PLCXD3: variants seen among roughly 807,000 people sequenced by gnomAD.
PLCXD3 encodes the protein PI-PLC X domain-containing protein 3.
In PLCXD3, 19 loss-of-function variants were observed where a neutral mutation model predicts 25.5. The observed-to-expected ratio is 0.75, with a 90% CI of 0.52 to 1.09. The LOEUF (loss-of-function observed/expected upper bound fraction) is 1.09. Among genes scored for constraint, PLCXD3 ranks in the 50% least tolerant of loss-of-function variants. The pLI is 0.00. For synonymous variants in PLCXD3, 174 were observed against 137.6 expected (o/e 1.26, Z -1.85); for missense variants, 411 against 388.1 (o/e 1.06, Z -0.50).
intron 1 of PLCXD3, among the ~76,000 whole-genome samples, chr5:41,388,359 A>G (rs1276949058): frequency 6.6e-6 from 1 of 152,056 alleles, no homozygotes; most frequent in Non-Finnish European, 1.5e-5. Context: ...TTATTTATAT[A>G]TTTATCTTAA....
At chr5:41,507,080 A>T (rs1398258446) in intron 1 of PLCXD3, among the ~76,000 whole-genome samples, 1 of 152,116 alleles carries the variant, frequency 6.6e-6, no homozygotes, top group South Asian at 2.1e-4. Context: ...CCAGCACCTT[A>T]TGTGTTCCCA....
chr5:41,440,433 A>C (rs1747359085), intron 1 of PLCXD3, among the ~76,000 whole-genome samples: 1 of 151,692 alleles, frequency 6.6e-6, no homozygotes, highest in East Asian at 1.9e-4. Context: ...GGGTTTCACC[A>C]TGTTGGCCAG....
At chr5:41,343,383 A>T in intron 2 of PLCXD3, among the ~76,000 whole-genome samples, 1 of 152,218 alleles carries the variant, frequency 6.6e-6, no homozygotes, top group East Asian at 1.9e-4. Flanking sequence ...AACAGAAAAA[A>T]AATCAATCCA....
In PLCXD3 at chr5:41,309,365, A is replaced by G. The variant is rs1327499615; in HGVS notation, c.*4252T>C. 6.6e-6 allele frequency: 1 copy of G among 152,620 alleles called. No homozygotes were observed. The highest frequency in any genetic ancestry group is 1.5e-5 in the Non-Finnish European group (1 of 68,022). 9.5% of individuals were successfully genotyped at this position (152,620 alleles called of 1,614,324 possible). On this transcript the variant is annotated 3_prime_UTR_variant, in exon 3 of 3. Coordinates refer to ENST00000377801, the MANE Select transcript of PLCXD3 (RefSeq NM_001005473.3). ...ATAAGTTATGGCAGATATAGCATTTACACCATAGTGTCACTGAAATCTAGC... is the reference window on the plus strand; with the variant it reads ...ATAAGTTATGGCAGATATAGCATTTGCACCATAGTGTCACTGAAATCTAGC...
At chr5:41,422,969 C>T (rs140448635) in intron 1 of PLCXD3, among the ~76,000 whole-genome samples, 43 of 152,082 alleles carry the variant, frequency 2.8e-4, no homozygotes, top group African/African-American at 9.4e-4. Context: ...CTTAAGGAAT[C>T]TCTCTTCTAT....
chr5:41,450,984 C>A (rs935471270), intron 1 of PLCXD3, among the ~76,000 whole-genome samples: 3 of 152,064 alleles, frequency 2.0e-5, no homozygotes, highest in Non-Finnish European at 4.4e-5. Context: ...CTATGCCTAA[C>A]TGAGAAGACA....
chr5:41,436,578 C>T (rs1689242078), intron 1 of PLCXD3, among the ~76,000 whole-genome samples: 1 of 152,114 alleles, frequency 6.6e-6, no homozygotes, highest in East Asian at 1.9e-4. Context: ...AGGCATTCTA[C>T]TAAGAAATTC....
At chr5:41,446,225 T>A (rs1330812658) in intron 1 of PLCXD3, among the ~76,000 whole-genome samples, 2 of 115,956 alleles carry the variant, frequency 1.7e-5, no homozygotes, top group Non-Finnish European at 3.6e-5. Flanking sequence ...ATAGTGAGGG[T>A]TGGGGTTTGG....
chr5:41,342,633 A>T (rs1220391981), intron 2 of PLCXD3, among the ~76,000 whole-genome samples: 1 of 152,166 alleles, frequency 6.6e-6, no homozygotes, highest in African/African-American at 2.4e-5. Flanking sequence ...GTATTTTATT[A>T]CCACTTCACT....
chr5:41,319,649 T>C (rs1044940970), intron 2 of PLCXD3, among the ~76,000 whole-genome samples: 1 of 151,804 alleles, frequency 6.6e-6, no homozygotes, highest in African/African-American at 2.4e-5. Flanking sequence ...AGTGCCTGTG[T>C]CCCAAAAGAG....
At chr5:41,411,489 A>C (rs1746518477) in intron 1 of PLCXD3, among the ~76,000 whole-genome samples, 1 of 152,132 alleles carries the variant, frequency 6.6e-6, no homozygotes, top group Non-Finnish European at 1.5e-5. Flanking sequence ...GGATATGTAG[A>C]GAATATATTT....
chr5:41,451,075 A>G (rs1747618582), intron 1 of PLCXD3, among the ~76,000 whole-genome samples: 1 of 152,034 alleles, frequency 6.6e-6, no homozygotes, highest in African/African-American at 2.4e-5. Flanking sequence ...TGTATGTGTC[A>G]GAGGAAATAA....
chr5:41,316,728 T>C (rs949718850), intron 2 of PLCXD3, among the ~76,000 whole-genome samples: 3 of 152,134 alleles, frequency 2.0e-5, no homozygotes, highest in South Asian at 4.1e-4. Flanking sequence ...GAAGTACTCA[T>C]CATGGCTAGG....
chr5:41,349,376 C>T (rs1744389520), intron 2 of PLCXD3, among the ~76,000 whole-genome samples: 1 of 152,140 alleles, frequency 6.6e-6, no homozygotes, highest in Admixed American at 6.5e-5. Context: ...TGGAGGACTG[C>T]TACTTTCAGA....
chr5:41,380,921 T>C (rs1358690529), intron 2 of PLCXD3, among the ~76,000 whole-genome samples: 2 of 152,138 alleles, frequency 1.3e-5, no homozygotes, highest in African/African-American at 4.8e-5. Flanking sequence ...TCACAGGTAA[T>C]GAACATCCTA....
At chr5:41,387,810 G>T (rs527589764) in intron 1 of PLCXD3, among the ~76,000 whole-genome samples, 18 of 152,208 alleles carry the variant, frequency 1.2e-4, no homozygotes, top group African/African-American at 4.1e-4. Flanking sequence ...GACAAGCATT[G>T]TTCTCATCCT....
intron 2 of PLCXD3, among the ~76,000 whole-genome samples, chr5:41,350,091 C>T (rs577042007): frequency 1.2e-4 from 19 of 152,194 alleles, no homozygotes; most frequent in Admixed American, 3.9e-4. Flanking sequence ...CAGAAATTTT[C>T]ACTGTCTCCT....
At chr5:41,414,878 T>C (rs1746657501) in intron 1 of PLCXD3, among the ~76,000 whole-genome samples, 1 of 152,228 alleles carries the variant, frequency 6.6e-6, no homozygotes. Context: ...TGTCAAGGTG[T>C]CACTGGGCTT....
At chr5:41,408,344 G>A (rs1234830118) in intron 1 of PLCXD3, among the ~76,000 whole-genome samples, 1 of 152,112 alleles carries the variant, frequency 6.6e-6, no homozygotes, top group Non-Finnish European at 1.5e-5. Flanking sequence ...TCTTTCCTGA[G>A]CCCTGAGTTT....
Sources: gnomAD v4.1 joint callset for allele counts (sites outside exome capture counted in the v4.1 genomes callset) on GRCh38, gnomAD v4.1.1 for gene constraint, MANE v1.5 for transcripts, NCBI Gene and HGNC (gene_info 2026-07-23, HGNC 2026-07-21) for gene names.